The following MGA variants were observed in gnomAD, a reference collection of about 807,000 sequenced individuals.
The protein encoded by MGA is MAX dimerization protein MGA, also known as MAX gene-associated protein.
In MGA, 40 loss-of-function variants were observed where a neutral mutation model predicts 261.1. The ratio of observed to expected loss-of-function variants is 0.15; its 90% CI spans 0.12 to 0.20. The LOEUF is 0.20. Ranked by LOEUF, MGA falls within the 10% of genes least tolerant of loss-of-function variation. The pLI is 1.00. For missense variants in MGA, 3,397 were observed against 3,630.5 expected, an observed-to-expected ratio of 0.94 and a Z score of 1.65; for synonymous variants, 1,302 against 1,290.6, an observed-to-expected ratio of 1.01 and a Z score of -0.19.
chr15:41,763,092 C>CTTTTTTTTTTTTTTTT (rs71108131), intron 22 of MGA, among the ~76,000 whole-genome samples: 4 of 63,968 alleles, frequency 6.3e-5, no homozygotes, highest in African/African-American at 1.2e-4. Context: ...TTCTTTCTTC[C>CTTTTTTTTTTTTTTTT]TTTTTTTTTT....
intron 1 of MGA, among the ~76,000 whole-genome samples, chr15:41,648,580 T>C (rs1042752801): frequency 6.6e-6 from 1 of 152,196 alleles, no homozygotes; most frequent in Non-Finnish European, 1.5e-5. Flanking sequence ...GTAGGATGTA[T>C]AGGTGTTACC....
intron 1 of MGA, among the ~76,000 whole-genome samples, chr15:41,622,475 T>C (rs544117938): frequency 5.3e-5 from 8 of 152,348 alleles, no homozygotes; most frequent in African/African-American, 1.9e-4. Flanking sequence ...TAATTTGTTA[T>C]AATATTCTGG....
chr15:41,726,953 A>G (rs959976164), intron 9 of MGA, among the ~76,000 whole-genome samples: 1 of 152,192 alleles, frequency 6.6e-6, no homozygotes, highest in Non-Finnish European at 1.5e-5. Flanking sequence ...TCTAATGCCT[A>G]AAACAGTATC....
chr15:41,729,703 C>T (rs1345777388), intron 11 of MGA, among the ~76,000 whole-genome samples: 1 of 151,930 alleles, frequency 6.6e-6, no homozygotes, highest in Non-Finnish European at 1.5e-5. Context: ...TGCCGCATGC[C>T]TGTAATCCCA....
chr15:41,763,587 T>TA (rs1169380690), intron 22 of MGA, among the ~76,000 whole-genome samples: 1 of 151,628 alleles, frequency 6.6e-6, no homozygotes, highest in African/African-American at 2.4e-5. Context: ...CTACTAAAAA[T>TA]ACAAAATTAG....
intron 14 of MGA, among the ~76,000 whole-genome samples, chr15:41,740,514 GA>G (rs1193435578): frequency 6.6e-6 from 1 of 151,946 alleles, no homozygotes; most frequent in Non-Finnish European, 1.5e-5. Context: ...TATTAATGTA[GA>G]AAAGACTTAA....
At chr15:41,687,466 T>C (rs979979435) in intron 2 of MGA, among the ~76,000 whole-genome samples, 1 of 152,232 alleles carries the variant, frequency 6.6e-6, no homozygotes, top group Non-Finnish European at 1.5e-5. Flanking sequence ...CAGTAGAGAC[T>C]GTATGGAATG....
At chr15:41,749,063 A>G (rs1207013360) in intron 16 of MGA, 48 bp from the exon 17 acceptor site, 8 of 1,565,732 alleles carry the variant, frequency 5.1e-6, no homozygotes, top group Non-Finnish European at 6.9e-6. Flanking sequence ...GGAAGTCTTG[A>G]TATGGGCAGT....
chr15:41,734,404 C>T (rs2061668378), intron 11 of MGA, 118 bp from the exon 12 acceptor site: 1 of 790,556 alleles, frequency 1.3e-6, no homozygotes, highest in African/African-American at 1.8e-5. Context: ...AAGCTGTTGA[C>T]ATTTCAGTCA....
rs1385477109 is a variant in MGA, at chr15:41,668,849, ATGTGG to A, written c.-43_-39del. On this transcript the variant is annotated 5_prime_UTR_variant, in exon 2 of 24. An upstream open reading frame in the 5' UTR loses its in-frame stop. Transcript: ENST00000219905. ...TTAGGATGGGAAGGCCATTGTGACT[ATGTGG>A]TGATTACAGTTGTCTTACTACTGAG... 2 of 1,395,528 alleles carry A rather than the reference ATGTGG, an allele frequency of 1.4e-6. No individual in the cohort carries two copies. Among genetic ancestry groups the A allele is most frequent in the African/African-American group, 2.9e-5 (2 of 69,784 alleles). 86.4% of individuals were successfully genotyped at this position (1,395,528 alleles called of 1,614,324 possible).
At chr15:41,709,966 T>G (rs2060307289) in intron 7 of MGA, among the ~76,000 whole-genome samples, 1 of 152,018 alleles carries the variant, frequency 6.6e-6, no homozygotes, top group Non-Finnish European at 1.5e-5. Flanking sequence ...GGGATTGCAT[T>G]GCAGGCATGT....
chr15:41,632,602 A>G (rs1041573157), intron 1 of MGA, among the ~76,000 whole-genome samples: 3 of 152,156 alleles, frequency 2.0e-5, no homozygotes, highest in African/African-American at 7.2e-5. Context: ...GCAAGCCAAC[A>G]TTTCCAGGTC....
chr15:41,756,185 G>A (rs1315562481), intron 18 of MGA, among the ~76,000 whole-genome samples: 1 of 152,066 alleles, frequency 6.6e-6, no homozygotes, highest in African/African-American at 2.4e-5. Flanking sequence ...ACTAACAAAG[G>A]ATTAGTGTCA....
At position 41,761,802 on chromosome 15, in the gene MGA, C is replaced by T. The variant is rs1447278136; in HGVS notation, c.7462C>T (p.Leu2488=). The T allele has an allele frequency of 1.3e-6, 2 of 1,598,532 alleles. No individual in the cohort carries two copies. The highest frequency in any genetic ancestry group is 2.7e-5 in the African/African-American group (2 of 74,682). Residue 2488 remains leucine, a synonymous_variant, in exon 21 of 24, where the codon CTG becomes TTG. Coordinates refer to ENST00000219905, the MANE Select transcript of MGA (RefSeq NM_001164273.2). ...CAAATTGATAGGACAGAAAAATCTC[C>T]TGACTCGAAAACGGAATATTCTGAT...
intron 8 of MGA, 104 bp from the exon 9 acceptor site, chr15:41,713,047 A>G: frequency 1.2e-5 from 17 of 1,470,058 alleles, no homozygotes; most frequent in African/African-American, 1.4e-5. Context: ...CTGTGCTGTT[A>G]GTACTTAAAA....
intron 9 of MGA, among the ~76,000 whole-genome samples, chr15:41,721,920 C>T (rs965357028): frequency 1.3e-5 from 2 of 152,052 alleles, no homozygotes; most frequent in African/African-American, 4.8e-5. Flanking sequence ...AACCTGAAAA[C>T]AACCCCAAAT....
Position 41,669,036 on chromosome 15 carries a change from T to C in MGA, c.142T>C (p.Cys48Arg). 6.2e-7 allele frequency: 1 copy of C among 1,613,596 alleles called. No individual in the cohort carries two copies. The highest frequency in any genetic ancestry group is 8.5e-7 in the Non-Finnish European group (1 of 1,179,544). Reference sequence around the variant, plus strand: ...AATTTTGGTTACTAATCAGGATGCCTGTGCTTTGGCTAGTAGTGTGTCATC... The same window carrying C: ...AATTTTGGTTACTAATCAGGATGCCCGTGCTTTGGCTAGTAGTGTGTCATC... Residue 48 changes from cysteine (C) to arginine (R), a missense_variant, in exon 2 of 24, where the codon TGT (cysteine) becomes CGT (arginine). Transcript: ENST00000219905.
upstream of MGA, among the ~76,000 whole-genome samples, chr15:41,655,601 G>A (rs1220125958): frequency 6.6e-6 from 1 of 151,428 alleles, no homozygotes; most frequent in Non-Finnish European, 1.5e-5. Context: ...ACATATTTTT[G>A]ATCCATGATT....
intron 21 of MGA, 22 bp downstream of exon 21, chr15:41,761,872 T>G: frequency 2.1e-6 from 3 of 1,440,508 alleles, no homozygotes; most frequent in Non-Finnish European, 2.9e-6. Flanking sequence ...AAATAATCTC[T>G]GGTAAAGAGC....
Sources: gnomAD v4.1 joint callset for allele counts (sites outside exome capture counted in the v4.1 genomes callset) on GRCh38, gnomAD v4.1.1 for gene constraint, MANE v1.5 for transcripts, NCBI Gene and HGNC (gene_info 2026-07-23, HGNC 2026-07-21) for gene names.